The following RCOR1 variants were observed in gnomAD, a reference collection of about 807,000 sequenced individuals.
The protein encoded by RCOR1 is REST corepressor.
Under a neutral mutation model 64.0 loss-of-function variants are expected in RCOR1, and 12 were observed. The ratio of observed to expected loss-of-function variants is 0.19; its 90% CI spans 0.12 to 0.30. The LOEUF is 0.30. RCOR1 is among the 10% of genes least tolerant of loss of function. RCOR1 has a pLI of 1.00. For synonymous variants in RCOR1, 279 were observed against 227.2 expected, an observed-to-expected ratio of 1.23 and a Z score of -2.05; for missense variants, 502 against 621.2, an observed-to-expected ratio of 0.81 and a Z score of 2.04.
Position 102,728,386 on chromosome 14 carries a change from C to T in RCOR1, c.*1880C>T, listed in dbSNP as rs1486957239. The T allele has an allele frequency of 6.6e-6, 1 of 152,110 alleles. No individual in the cohort carries two copies. The highest frequency in any genetic ancestry group is 6.6e-5 in the Admixed American group (1 of 15,264). 9.4% of individuals were successfully genotyped at this position (152,110 alleles called of 1,614,324 possible). On this transcript the variant is annotated 3_prime_UTR_variant, in exon 12 of 12. Coordinates refer to ENST00000262241, the MANE Select transcript of RCOR1 (RefSeq NM_015156.4). ...GGGAGAGGCTTCTTTTCACCATAAGCCTGCTGTGTACACCGAGGGCGGCAG... is the reference window on the plus strand; with the variant it reads ...GGGAGAGGCTTCTTTTCACCATAAGTCTGCTGTGTACACCGAGGGCGGCAG...
At chr14:102,726,315 GACCTGTCTCCCCTCCA>G (rs1159044219) in intron 11 of RCOR1, among the ~76,000 whole-genome samples, 137 bp from the exon 12 acceptor site, 5 of 149,500 alleles carry the variant, frequency 3.3e-5, no homozygotes, top group Non-Finnish European at 7.4e-5. Context: ...GACAGAGTGA[GACCTGTCTCCCCTCCA>G]AAAAAAAAAA....
chr14:102,632,204 A>G (rs1422948393), intron 2 of RCOR1, among the ~76,000 whole-genome samples: 1 of 140,414 alleles, frequency 7.1e-6, no homozygotes, highest in African/African-American at 2.6e-5. Flanking sequence ...CTGAGAAATA[A>G]TTTCGTTTGT....
At chr14:102,725,686 G>A (rs552721639) in intron 11 of RCOR1, among the ~76,000 whole-genome samples, 52 of 152,100 alleles carry the variant, frequency 3.4e-4, no homozygotes, top group Non-Finnish European at 5.6e-4. Context: ...CTTGATTCTC[G>A]TGCCTCAGCC....
chr14:102,705,555 C>T (rs767841411), intron 4 of RCOR1, among the ~76,000 whole-genome samples: 2 of 152,146 alleles, frequency 1.3e-5, no homozygotes, highest in Non-Finnish European at 2.9e-5. Flanking sequence ...GTCAAGCAGT[C>T]CTCCTGCCTC....
chr14:102,608,081 G>A (rs1186621812), intron 2 of RCOR1, among the ~76,000 whole-genome samples: 17 of 151,798 alleles, frequency 1.1e-4, no homozygotes, highest in Non-Finnish European at 2.1e-4. Context: ...AAAATTAACC[G>A]TTTTACAATG....
At position 102,656,747 on chromosome 14, in the gene RCOR1, C is replaced by T. The variant is rs546977925; in HGVS notation, c.362-25148C>T. On this transcript the variant is annotated intron_variant, in intron 2 of 11. Coordinates refer to ENST00000262241, the MANE Select transcript of RCOR1 (RefSeq NM_015156.4). ...CCTCCCAAAGTGCTGGGATTACTCC[C>T]ACAGCACCTGCTCAGAAAAGGTTTC... Among the ~76,000 whole-genome samples the T allele has an allele frequency of 2.6e-5, 4 of 151,900 alleles. No homozygotes were observed. The East Asian group carries it at 7.8e-4, about 29-fold the overall frequency.
intron 2 of RCOR1, among the ~76,000 whole-genome samples, chr14:102,620,951 C>G (rs1449120027): frequency 6.6e-6 from 1 of 152,156 alleles, no homozygotes; most frequent in Admixed American, 6.6e-5. Context: ...AATCTAAACA[C>G]AGATGTCACA....
Position 102,720,987 on chromosome 14 carries a change from A to T in RCOR1, c.1054-20A>T. ...ATATAGTTTTTATTTTTAAAATGAA[A>T]ATTATTTTTTCCTTCCTAGATCCAG... On this transcript the variant is annotated intron_variant, in intron 8 of 11. Coordinates refer to ENST00000262241, the MANE Select transcript of RCOR1 (RefSeq NM_015156.4). 1 of 1,343,496 alleles carries T rather than the reference A, an allele frequency of 7.4e-7. No homozygotes were observed. Among genetic ancestry groups the T allele is most frequent in the Non-Finnish European group, 1.0e-6 (1 of 971,230 alleles). 83.2% of individuals were successfully genotyped at this position (1,343,496 alleles called of 1,614,324 possible). A position where few individuals can be genotyped will look rare whatever the true frequency, so the allele number is the denominator to read the frequency against.
chr14:102,697,743 C>T (rs1895676806), intron 3 of RCOR1, among the ~76,000 whole-genome samples: 1 of 145,224 alleles, frequency 6.9e-6, no homozygotes, highest in Non-Finnish European at 1.5e-5. Flanking sequence ...TTTTTTTGGA[C>T]AGGGTCTCGC....
At chr14:102,665,271 CTGGGATTA>C (rs1894896271) in intron 2 of RCOR1, among the ~76,000 whole-genome samples, 3 of 148,410 alleles carry the variant, frequency 2.0e-5, no homozygotes, top group Non-Finnish European at 4.4e-5. Flanking sequence ...TCCCAAAGTA[CTGGGATTA>C]TAGGTATGAG....
intron 2 of RCOR1, chr14:102,659,005 A>G (rs1239764320): frequency 5.6e-6 from 3 of 532,000 alleles, no homozygotes; most frequent in Admixed American, 1.3e-4. Flanking sequence ...AGTCCAACCT[A>G]CACTCAAGTC....
chr14:102,660,536 G>GCAA (rs1894807609), intron 2 of RCOR1, among the ~76,000 whole-genome samples: 1 of 152,038 alleles, frequency 6.6e-6, no homozygotes, highest in Non-Finnish European at 1.5e-5. Context: ...GTACAGGAGT[G>GCAA]CAACACCATG....
Position 102,726,654 on chromosome 14 carries a change from A to G in RCOR1, c.*148A>G. On this transcript the variant is annotated 3_prime_UTR_variant, in exon 12 of 12. Coordinates refer to ENST00000262241, the MANE Select transcript of RCOR1 (RefSeq NM_015156.4). Reference sequence around the variant, plus strand: ...GCATATACTTCCAGTCCTGTGCTCCATCTGCCTTAATTCTTTGCTCGTTCC... The same window carrying G: ...GCATATACTTCCAGTCCTGTGCTCCGTCTGCCTTAATTCTTTGCTCGTTCC... 6 of 653,240 alleles carry G rather than the reference A, an allele frequency of 9.2e-6. No individual in the cohort carries two copies. In the South Asian group the frequency reaches 9.8e-5, roughly 11 times the overall value. 40.5% of individuals were successfully genotyped at this position (653,240 alleles called of 1,614,324 possible).
intron 8 of RCOR1, among the ~76,000 whole-genome samples, chr14:102,715,031 T>C (rs986404845): frequency 6.6e-6 from 1 of 151,766 alleles, no homozygotes; most frequent in African/African-American, 2.4e-5. Flanking sequence ...TCCACCCCTC[T>C]TTTATTACCT....
At chr14:102,680,130 T>C (rs552161679) in intron 2 of RCOR1, among the ~76,000 whole-genome samples, 1 of 152,334 alleles carries the variant, frequency 6.6e-6, no homozygotes, top group African/African-American at 2.4e-5. Context: ...ATCCCTAAGT[T>C]ATTTCATATT....
chr14:102,674,600 TTAC>T (rs1340598795), intron 2 of RCOR1, among the ~76,000 whole-genome samples: 1 of 152,198 alleles, frequency 6.6e-6, no homozygotes, highest in Non-Finnish European at 1.5e-5. Flanking sequence ...CACGTCCACT[TTAC>T]TATACATTGC....
chr14:102,649,810 G>A (rs764485754), intron 2 of RCOR1: 79 of 981,480 alleles, frequency 8.0e-5, no homozygotes, highest in Non-Finnish European at 9.6e-5. Flanking sequence ...TCTGGTTGAC[G>A]AAATTGGCAT....
intron 2 of RCOR1, among the ~76,000 whole-genome samples, chr14:102,614,425 C>T (rs1044283411): frequency 2.0e-5 from 3 of 150,994 alleles, no homozygotes; most frequent in African/African-American, 7.3e-5. Context: ...GGGGTTTCAC[C>T]ACGTTAGCCA....
At chr14:102,702,516 GAAT>G (rs1430151518) in intron 4 of RCOR1, among the ~76,000 whole-genome samples, 3 of 150,406 alleles carry the variant, frequency 2.0e-5, no homozygotes, top group African/African-American at 7.3e-5. Context: ...TAAAATAAAA[GAAT>G]AACAGCAATT....
Sources: allele counts gnomAD v4.1 joint callset (sites outside exome capture counted in the v4.1 genomes callset), GRCh38; gene constraint gnomAD v4.1.1; transcripts MANE v1.5; gene names NCBI Gene and HGNC (gene_info 2026-07-23, HGNC 2026-07-21).